The following SLC7A11 variants were observed in gnomAD, a reference collection of about 807,000 sequenced individuals.
SLC7A11 encodes solute carrier family 7 member 11, also known as cystine/glutamate transporter.
In SLC7A11, 35 loss-of-function variants were observed where a neutral mutation model predicts 54.5. That is an observed-to-expected ratio of 0.64 (90% CI 0.49 to 0.85). The LOEUF is 0.85. Ranked by LOEUF, SLC7A11 falls within the 40% of genes least tolerant of loss-of-function variation. The probability of loss-of-function intolerance (pLI) is 0.00; values close to 1 mark genes in which losing one functional copy is unlikely to be tolerated. For missense variants in SLC7A11, 583 were observed against 618.1 expected, an observed-to-expected ratio of 0.94 and a Z score of 0.60; for synonymous variants, 230 against 225.2, an observed-to-expected ratio of 1.02 and a Z score of -0.19.
intron 6 of SLC7A11, among the ~76,000 whole-genome samples, chr4:138,193,573 G>A (rs762219177): frequency 3.3e-5 from 5 of 152,028 alleles, no homozygotes; most frequent in Non-Finnish European, 5.9e-5. Flanking sequence ...AGGCTGAGGC[G>A]GGTGGACCTG....
intron 6 of SLC7A11, among the ~76,000 whole-genome samples, chr4:138,197,814 G>A (rs1439362408): frequency 6.6e-6 from 1 of 151,588 alleles, no homozygotes; most frequent in Non-Finnish European, 1.5e-5. Context: ...AAATTATATA[G>A]TAATTGGTTG....
At chr4:138,203,279 G>C (rs181234641) in intron 6 of SLC7A11, among the ~76,000 whole-genome samples, 1 of 152,062 alleles carries the variant, frequency 6.6e-6, no homozygotes, top group East Asian at 1.9e-4. Context: ...CTAAATTGTG[G>C]CTAAACAATA....
chr4:138,219,941 C>CTTTTTTTTTT (rs5862370), intron 4 of SLC7A11, among the ~76,000 whole-genome samples: 1 of 143,524 alleles, frequency 7.0e-6, no homozygotes, highest in Non-Finnish European at 1.5e-5. Context: ...GCAAGCCTTT[C>CTTTTTTTTTT]TTTTTTTATT....
At chr4:138,209,139 C>G (rs569041014) in intron 6 of SLC7A11, among the ~76,000 whole-genome samples, 2 of 151,946 alleles carry the variant, frequency 1.3e-5, no homozygotes, top group East Asian at 1.9e-4. Context: ...TATTTTAATA[C>G]ACATTGGTAT....
chr4:138,180,011 A>G (rs962280394), intron 10 of SLC7A11, among the ~76,000 whole-genome samples: 1 of 151,570 alleles, frequency 6.6e-6, no homozygotes, highest in African/African-American at 2.4e-5. Context: ...CGTGAGGTCA[A>G]ATCAATCCAT....
At chr4:138,214,946 G>T (rs72712356) in intron 5 of SLC7A11, among the ~76,000 whole-genome samples, 84 of 152,290 alleles carry the variant, frequency 5.5e-4, no homozygotes, top group Non-Finnish European at 8.5e-4. Context: ...GGGAGCCAGA[G>T]GGCAGGTCTA....
intron 1 of SLC7A11, among the ~76,000 whole-genome samples, chr4:138,237,265 G>A (rs1274491435): frequency 6.6e-6 from 1 of 152,010 alleles, no homozygotes; most frequent in Non-Finnish European, 1.5e-5. Flanking sequence ...GGGATTACAG[G>A]TGTGAGCCAC....
At chr4:138,200,331 C>G (rs569330454) in intron 6 of SLC7A11, among the ~76,000 whole-genome samples, 1 of 152,114 alleles carries the variant, frequency 6.6e-6, no homozygotes, top group Non-Finnish European at 1.5e-5. Context: ...CTATTTTAAT[C>G]TTCTAACCAA....
intron 4 of SLC7A11, 35 bp downstream of exon 4, chr4:138,223,164 C>T (rs766283819): frequency 1.1e-5 from 17 of 1,590,134 alleles, no homozygotes; most frequent in Admixed American, 1.7e-5. Flanking sequence ...AAAGCAGATA[C>T]GTATTTTAAA....
At chr4:138,234,342 G>A (rs1192333821) in intron 2 of SLC7A11, among the ~76,000 whole-genome samples, 1 of 152,070 alleles carries the variant, frequency 6.6e-6, no homozygotes, top group Non-Finnish European at 1.5e-5. Flanking sequence ...AATTTTAATG[G>A]GAAGTACTTA....
chr4:138,232,518 T>TA, intron 2 of SLC7A11, 136 bp from the exon 3 acceptor site: 1 of 622,544 alleles, frequency 1.6e-6, no homozygotes, highest in Admixed American at 3.0e-5. Flanking sequence ...ATTCCGTACT[T>TA]GATTAGGTTG....
intron 6 of SLC7A11, among the ~76,000 whole-genome samples, chr4:138,202,444 T>C (rs1737309682): frequency 6.6e-6 from 1 of 152,124 alleles, no homozygotes; most frequent in Non-Finnish European, 1.5e-5. Context: ...TTTAACATTT[T>C]CTGAGACAAC....
chr4:138,202,834 GAGC>G (rs2148429040), intron 6 of SLC7A11, among the ~76,000 whole-genome samples: 1 of 152,188 alleles, frequency 6.6e-6, no homozygotes, highest in Admixed American at 6.6e-5. Context: ...TCCAAGTGCA[GAGC>G]TACCTTCACA....
At position 138,241,855 on chromosome 4, in the gene SLC7A11, T is replaced by C; in HGVS notation, c.215A>G (p.Asn72Ser). ...IFISPKGVLQ[N>S]TGSVGMSLTI... Reference sequence around the variant, plus strand: ...CAGAGACATGCCCACGCTGCCCGTGTTCTGGAGCACGCCCTTAGGAGAGAT... The same window carrying C: ...CAGAGACATGCCCACGCTGCCCGTGCTCTGGAGCACGCCCTTAGGAGAGAT... Residue 72 changes from asparagine to serine, a missense_variant, in exon 1 of 12, where the codon AAC becomes AGC. Physicochemically the swap from Asn to Ser is conservative, Grantham distance 46. Transcript: ENST00000280612. The C allele has an allele frequency of 6.2e-7, 1 of 1,614,110 alleles. No individual in the cohort carries two copies. The highest frequency in any genetic ancestry group is 8.5e-7 in the Non-Finnish European group (1 of 1,180,014).
At chr4:138,217,711 C>A (rs987787179) in intron 5 of SLC7A11, among the ~76,000 whole-genome samples, 5 of 152,194 alleles carry the variant, frequency 3.3e-5, no homozygotes, top group South Asian at 2.1e-4. Flanking sequence ...CGGCTCCCAA[C>A]ACTTGGCTGT....
rs1371240449 is a variant in SLC7A11, at chr4:138,242,296, C to T, written c.-227G>A. ...GCATCGTGCTCTCAATTCTCCACCT[C>T]CTCGTTCCACCACTGCTGCTGCTGC... On this transcript the variant is annotated 5_prime_UTR_variant, in exon 1 of 12. Transcript: ENST00000280612. 5 of 566,666 alleles carry T rather than the reference C, an allele frequency of 8.8e-6. No individual in the cohort carries two copies. Among genetic ancestry groups the T allele is most frequent in the Admixed American group, 3.1e-5 (1 of 32,752 alleles). 35.1% of individuals were successfully genotyped at this position (566,666 alleles called of 1,614,324 possible).
At chr4:138,187,909 A>G (rs973975911) in intron 6 of SLC7A11, among the ~76,000 whole-genome samples, 1 of 152,176 alleles carries the variant, frequency 6.6e-6, no homozygotes, top group Non-Finnish European at 1.5e-5. Context: ...TCAGATAAAC[A>G]GAAACAGACT....
intron 4 of SLC7A11, among the ~76,000 whole-genome samples, chr4:138,222,649 G>A (rs1737843285): frequency 6.6e-6 from 1 of 152,122 alleles, no homozygotes; most frequent in South Asian, 2.1e-4. Flanking sequence ...TAAAAATAAT[G>A]TAACAATAAA....
chr4:138,229,400 C>T (rs2148451009), intron 3 of SLC7A11, among the ~76,000 whole-genome samples: 1 of 152,330 alleles, frequency 6.6e-6, no homozygotes, highest in South Asian at 2.1e-4. Flanking sequence ...ACCACTGAGT[C>T]ATAAGGATAT....
Sources: allele counts gnomAD v4.1 joint callset (sites outside exome capture counted in the v4.1 genomes callset), GRCh38; gene constraint gnomAD v4.1.1; transcripts MANE v1.5; gene names NCBI Gene and HGNC (gene_info 2026-07-23, HGNC 2026-07-21).